SFMBT1: variants seen among roughly 807,000 people sequenced by gnomAD.
SFMBT1 encodes the protein Scm like with four mbt domains 1, also known as scm-like with four MBT domains protein 1.
A neutral mutation model predicts 108.7 loss-of-function variants in SFMBT1; 32 were observed. The observed-to-expected ratio is 0.29, with a 90% confidence interval of 0.22 to 0.40. SFMBT1 has a LOEUF of 0.40. Ranked by LOEUF, SFMBT1 falls within the 10% of genes least tolerant of loss-of-function variation. The probability of loss-of-function intolerance (pLI) is 1.00; values close to 1 mark genes in which losing one functional copy is unlikely to be tolerated. For synonymous variants in SFMBT1, 348 were observed against 369.5 expected (o/e 0.94, Z 0.67); for missense variants, 816 against 1,059.6 (o/e 0.77, Z 3.19).
intron 1 of SFMBT1, among the ~76,000 whole-genome samples, chr3:53,018,530 T>G (rs1358244638): frequency 6.6e-6 from 1 of 152,168 alleles, no homozygotes; most frequent in African/African-American, 2.4e-5. Context: ...GCTCTCATGT[T>G]GCTATCTCAA....
chr3:53,029,098 G>A (rs1434043689), intron 1 of SFMBT1, among the ~76,000 whole-genome samples: 3 of 151,334 alleles, frequency 2.0e-5, no homozygotes, highest in African/African-American at 7.3e-5. Context: ...GCATGAACCC[G>A]GGAGGCGGAG....
intron 2 of SFMBT1, among the ~76,000 whole-genome samples, chr3:52,957,394 A>T (rs1295352009): frequency 6.6e-6 from 1 of 152,238 alleles, no homozygotes; most frequent in African/African-American, 2.4e-5. Flanking sequence ...AAATGGTCAT[A>T]CTACCCAAAG....
At chr3:52,999,780 T>A (rs12635298) in intron 1 of SFMBT1, among the ~76,000 whole-genome samples, 1 of 149,310 alleles carries the variant, frequency 6.7e-6, no homozygotes, top group Non-Finnish European at 1.5e-5. Flanking sequence ...GAGTGCCCAT[T>A]CCTCTCCCTG....
In SFMBT1 at chr3:53,029,042, G is replaced by A. The variant is rs890913621; in HGVS notation, c.-131+16774C>T. ...AAAAAAATTAGCCAGGCATGGTGGCGGGCGCCTGTAGTCCCAGCTACTCGG... is the reference window on the plus strand; with the variant it reads ...AAAAAAATTAGCCAGGCATGGTGGCAGGCGCCTGTAGTCCCAGCTACTCGG... On this transcript the variant is annotated intron_variant, in intron 1 of 20. Transcript: ENST00000394752. Among the ~76,000 whole-genome samples, 11 of 151,780 alleles carry A rather than the reference G, an allele frequency of 7.2e-5. No homozygotes were observed. The South Asian group carries it at 8.3e-4, about 11-fold the overall frequency.
Position 52,973,169 on chromosome 3 carries a change from A to T in SFMBT1, c.-130-3911T>A, listed in dbSNP as rs146916416. Among the ~76,000 whole-genome samples the T allele has an allele frequency of 1.6e-3, 238 of 152,320 alleles. 1 individual carries two copies. The highest frequency in any genetic ancestry group is 5.5e-3 in the African/African-American group (227 of 41,570). ...GAGTCTGAGGTTACCATGAGCAATG[A>T]TCACACCACTGCATTCTAGCCTGGG... On this transcript the variant is annotated intron_variant, in intron 1 of 20. Transcript: ENST00000394752.
At chr3:53,035,225 A>C (rs1358803365) in intron 1 of SFMBT1, among the ~76,000 whole-genome samples, 1 of 139,770 alleles carries the variant, frequency 7.2e-6, no homozygotes, top group Non-Finnish European at 1.5e-5. Context: ...TATGTGACTA[A>C]AATCAAGTTT....
chr3:53,027,823 T>C (rs540953953), intron 1 of SFMBT1, among the ~76,000 whole-genome samples: 3 of 152,366 alleles, frequency 2.0e-5, no homozygotes, highest in East Asian at 1.9e-4. Flanking sequence ...CTTTAAGCCA[T>C]TGTTTCTTCC....
chr3:53,045,860 TC>T lies in SFMBT1; in HGVS notation c.-176del, dbSNP rs1700222435. ...GCGCGCTCGCTCGATCGCTCGCTTT[TC>T]CCCCTCTCGCGCTCGTTTTCTTTCT... On this transcript the variant is annotated 5_prime_UTR_variant, in exon 1 of 21. It removes the in-frame stop codon of an upstream open reading frame in the 5' UTR. Transcript: ENST00000394752. The T allele has an allele frequency of 6.7e-6, 1 of 149,676 alleles. No homozygotes were observed. 9.3% of individuals were successfully genotyped at this position (149,676 alleles called of 1,614,324 possible). A position where few individuals can be genotyped will look rare whatever the true frequency, so the allele number is the denominator to read the frequency against.
intron 1 of SFMBT1, among the ~76,000 whole-genome samples, chr3:53,035,166 G>A (rs952848692): frequency 1.3e-5 from 2 of 151,848 alleles, no homozygotes; most frequent in South Asian, 2.1e-4. Flanking sequence ...CAAGGATTCC[G>A]CATGCCTTCC....
At chr3:52,924,353 C>T (rs901396420) in intron 10 of SFMBT1, among the ~76,000 whole-genome samples, 1 of 152,058 alleles carries the variant, frequency 6.6e-6, no homozygotes, top group Non-Finnish European at 1.5e-5. Flanking sequence ...ATTAAAACTA[C>T]ATGGCAAGGC....
chr3:52,978,045 C>G (rs1203662157), intron 1 of SFMBT1, among the ~76,000 whole-genome samples: 1 of 151,992 alleles, frequency 6.6e-6, no homozygotes, highest in Non-Finnish European at 1.5e-5. Flanking sequence ...AGAAAACAGA[C>G]CAAAATCTCT....
intron 17 of SFMBT1, among the ~76,000 whole-genome samples, chr3:52,909,202 T>C (rs766604186): frequency 9.9e-5 from 15 of 152,232 alleles, no homozygotes; most frequent in Non-Finnish European, 1.9e-4. Context: ...TTCAACTATA[T>C]TATTGTGAAA....
chr3:53,040,376 T>G (rs1699999185), intron 1 of SFMBT1, among the ~76,000 whole-genome samples: 1 of 152,172 alleles, frequency 6.6e-6, no homozygotes, highest in Non-Finnish European at 1.5e-5. Context: ...TTGCTAAATT[T>G]CTCATCCCAG....
rs563073485 is a variant in SFMBT1, at chr3:52,999,280, C to T, written c.-130-30022G>A. On this transcript the variant is annotated intron_variant, in intron 1 of 20. Transcript: ENST00000394752. ...ACCACCAAGGGCTCCTGGAACCCTA[C>T]GTGAAGGAGGCCAAGCACAGCCGTG... Among the ~76,000 whole-genome samples the T allele has an allele frequency of 4.0e-5, 6 of 150,548 alleles. No individual in the cohort carries two copies. The East Asian group carries it at 9.8e-4, about 25-fold the overall frequency.
chr3:52,967,555 T>C (rs527631013), intron 2 of SFMBT1, among the ~76,000 whole-genome samples: 19 of 152,318 alleles, frequency 1.2e-4, no homozygotes, highest in African/African-American at 3.8e-4. Flanking sequence ...TTATGGTATG[T>C]GTATTGCATC....
chr3:52,961,582 TAAATTTTACA>T (rs1298982570), intron 2 of SFMBT1, among the ~76,000 whole-genome samples: 5 of 152,200 alleles, frequency 3.3e-5, no homozygotes, highest in Admixed American at 6.5e-5. Flanking sequence ...GTGAAAGTGG[TAAATTTTACA>T]TTATGGACAT....
chr3:53,016,009 G>C (rs1473075482), intron 1 of SFMBT1, among the ~76,000 whole-genome samples: 1 of 152,104 alleles, frequency 6.6e-6, no homozygotes, highest in African/African-American at 2.4e-5. Flanking sequence ...CAGTAGGGAA[G>C]ACTTATTTCA....
chr3:52,926,104 C>T lies in SFMBT1; in HGVS notation c.1058G>A (p.Ser353Asn), dbSNP rs774436293. The stretch of plus-strand genomic sequence containing the variant: ...GTAGTCAGCCCAGTCAAAGTCCTGG[C>T]TTGGGTAGCCTAGGTGGGGACAAAT... ...LHISPPPGYP[S>N]QDFDWADYLK... The change falls in exon 10 of 21, where the codon AGC (serine) becomes AAC (asparagine). Residue 353 changes from serine (S) to asparagine (N), a missense_variant. This residue lies in a region of SFMBT1 where 495 missense variants were observed against 607.4 expected (regional missense o/e 0.81). Transcript: ENST00000394752. 1 of 1,605,068 alleles carries T rather than the reference C, an allele frequency of 6.2e-7. No individual in the cohort carries two copies. The highest frequency in any genetic ancestry group is 1.3e-5 in the African/African-American group (1 of 74,136).
At chr3:52,929,232 C>T (rs764032585) in intron 8 of SFMBT1, among the ~76,000 whole-genome samples, 10 of 151,876 alleles carry the variant, frequency 6.6e-5, no homozygotes, top group Admixed American at 6.6e-4. Context: ...TGCCAAAGAA[C>T]GAACTTTATT....
Sources: allele counts gnomAD v4.1 joint callset (sites outside exome capture counted in the v4.1 genomes callset), GRCh38; gene constraint gnomAD v4.1.1; regional missense constraint gnomAD v4.1.1; transcripts MANE v1.5; gene names NCBI Gene and HGNC (gene_info 2026-07-23, HGNC 2026-07-21).